LRP1B: variants seen among roughly 807,000 people sequenced by gnomAD.
LRP1B encodes LDL receptor related protein 1B.
LRP1B carries 217 observed loss-of-function variants against 556.6 expected under a neutral mutation model. The observed-to-expected ratio is 0.39, with a 90% CI of 0.35 to 0.44. LRP1B has a LOEUF of 0.44. Ranked by LOEUF, LRP1B falls within the 20% of genes least tolerant of loss-of-function variation. LRP1B has a pLI of 1.00. For synonymous variants in LRP1B, 2,047 were observed against 1,865.8 expected (o/e 1.10, Z -2.50); for missense variants, 5,053 against 5,620.8 (o/e 0.90, Z 3.23).
At chr2:141,453,908 G>A (rs1453979836) in intron 3 of LRP1B, among the ~76,000 whole-genome samples, 2 of 139,280 alleles carry the variant, frequency 1.4e-5, no homozygotes, top group African/African-American at 5.3e-5. Flanking sequence ...GTGAGACTCT[G>A]TCTCAAAAAA....
At chr2:141,153,615 T>C (rs938385907) in intron 7 of LRP1B, among the ~76,000 whole-genome samples, 3 of 137,838 alleles carry the variant, frequency 2.2e-5, no homozygotes, top group African/African-American at 8.1e-5. Flanking sequence ...ATATAATATA[T>C]TATATATCAG....
chr2:140,427,603 G>A (rs891162391), intron 66 of LRP1B, among the ~76,000 whole-genome samples: 1 of 152,034 alleles, frequency 6.6e-6, no homozygotes, highest in African/African-American at 2.4e-5. Context: ...AATTCTTGTC[G>A]TAAAATGGGC....
chr2:142,105,022 G>A (rs1266355904), intron 1 of LRP1B, among the ~76,000 whole-genome samples: 1 of 152,146 alleles, frequency 6.6e-6, no homozygotes, highest in African/African-American at 2.4e-5. Flanking sequence ...GAGAAAAAAT[G>A]TCAGCACTGG....
chr2:140,931,480 T>C (rs1435500950), intron 20 of LRP1B, among the ~76,000 whole-genome samples: 1 of 150,478 alleles, frequency 6.6e-6, no homozygotes, highest in African/African-American at 2.4e-5. Flanking sequence ...TAATGATAAG[T>C]GAAAAAAAAA....
intron 1 of LRP1B, among the ~76,000 whole-genome samples, chr2:142,020,590 G>A (rs533823590): frequency 6.6e-6 from 1 of 152,174 alleles, no homozygotes; most frequent in South Asian, 2.1e-4. Flanking sequence ...TTTCTGTTTT[G>A]TGTCCACTTA....
chr2:141,542,063 T>C (rs1685280196), intron 2 of LRP1B, among the ~76,000 whole-genome samples: 1 of 21,216 alleles, frequency 4.7e-5, no homozygotes, highest in Non-Finnish European at 5.0e-3. Context: ...AATGTTCTAT[T>C]CTTTTTGCGA....
At chr2:140,968,775 A>G (rs1467274881) in intron 18 of LRP1B, among the ~76,000 whole-genome samples, 1 of 152,058 alleles carries the variant, frequency 6.6e-6, no homozygotes, top group Non-Finnish European at 1.5e-5. Context: ...TTCTGCCTTC[A>G]TTTCGTTATG....
At chr2:140,254,878 T>C (rs1331645635) in intron 86 of LRP1B, among the ~76,000 whole-genome samples, 3 of 152,130 alleles carry the variant, frequency 2.0e-5, no homozygotes, top group African/African-American at 7.2e-5. Flanking sequence ...TAATGATTTC[T>C]ACATAGCGAC....
At chr2:141,540,015 T>G (rs1419751368) in intron 2 of LRP1B, among the ~76,000 whole-genome samples, 1 of 152,076 alleles carries the variant, frequency 6.6e-6, no homozygotes, top group East Asian at 1.9e-4. Context: ...GGAAAATAGG[T>G]GTTTCCAATA....
At chr2:140,684,285 C>T (rs1439884384) in intron 41 of LRP1B, among the ~76,000 whole-genome samples, 3 of 152,186 alleles carry the variant, frequency 2.0e-5, no homozygotes, top group East Asian at 3.8e-4. Context: ...TTCATCTTCT[C>T]ATTGAACTCT....
chr2:141,989,945 T>C (rs1366902900), intron 1 of LRP1B, among the ~76,000 whole-genome samples: 1 of 152,134 alleles, frequency 6.6e-6, no homozygotes, highest in African/African-American at 2.4e-5. Flanking sequence ...AGACATCTCA[T>C]GCTAATAACC....
At chr2:140,266,656 C>T (rs1682216282) in intron 86 of LRP1B, among the ~76,000 whole-genome samples, 1 of 151,898 alleles carries the variant, frequency 6.6e-6, no homozygotes, top group African/African-American at 2.4e-5. Context: ...TTTGATTGTG[C>T]TGTACCCTCT....
At chr2:141,265,927 C>T (rs1384620454) in intron 3 of LRP1B, among the ~76,000 whole-genome samples, 3 of 152,186 alleles carry the variant, frequency 2.0e-5, no homozygotes, top group African/African-American at 7.2e-5. Context: ...AGAGACTCTA[C>T]GTCCTACCTC....
chr2:141,141,903 G>A (rs1701662160), intron 7 of LRP1B, among the ~76,000 whole-genome samples: 3 of 151,836 alleles, frequency 2.0e-5, no homozygotes, highest in Admixed American at 2.0e-4. Flanking sequence ...TCACTATTTT[G>A]TGCATTGGTT....
chr2:140,353,763 A>AAAT (rs1381791184), intron 75 of LRP1B, among the ~76,000 whole-genome samples: 11 of 152,080 alleles, frequency 7.2e-5, no homozygotes, highest in Non-Finnish European at 1.5e-4. Context: ...TTGAGGACAT[A>AAAT]AATTATGATA....
At chr2:141,749,868 T>A (rs1454098137) in intron 2 of LRP1B, among the ~76,000 whole-genome samples, 3 of 152,130 alleles carry the variant, frequency 2.0e-5, no homozygotes. Context: ...TAATAATGCC[T>A]GGATGCTTGA....
chr2:141,483,565 T>C (rs571775505), intron 2 of LRP1B, among the ~76,000 whole-genome samples: 1 of 26,838 alleles, frequency 3.7e-5, no homozygotes, highest in African/African-American at 5.6e-5. Context: ...TTGAACTACT[T>C]TACGGTCCCA....
chr2:141,342,938 G>A lies in LRP1B; in HGVS notation c.344-88297C>T, dbSNP rs183091102. 4.7e-3 allele frequency among the ~76,000 whole-genome samples: 720 copies of A among 152,208 alleles called. 8 individuals carry two copies. Among genetic ancestry groups the A allele is most frequent in the African/African-American group, 0.016 (648 of 41,528 alleles). ...CGTAATCGTCAGATTCACCAAGGTT[G>A]ACATGAAGGAAAAAAATGTTAAGGG... On this transcript the variant is annotated intron_variant, in intron 3 of 90. Transcript: ENST00000389484.
At chr2:141,096,621 GGAGAGGGGGA>G (rs1370628437) in intron 7 of LRP1B, among the ~76,000 whole-genome samples, 30 of 39,928 alleles carry the variant, frequency 7.5e-4, no homozygotes, top group Middle Eastern at 0.014. Flanking sequence ...ACAAAGACGG[GGAGAGGGGGA>G]GAGAGAGAGA....
Sources: allele counts gnomAD v4.1 joint callset (sites outside exome capture counted in the v4.1 genomes callset), GRCh38; gene constraint gnomAD v4.1.1; transcripts MANE v1.5; gene names NCBI Gene and HGNC (gene_info 2026-07-23, HGNC 2026-07-21).